The following SPATA24 variants were observed in gnomAD, a reference collection of about 807,000 sequenced individuals.
The protein encoded by SPATA24 is spermatogenesis-associated protein 24.
Under a neutral mutation model 28.9 loss-of-function variants are expected in SPATA24, and 21 were observed. The observed-to-expected ratio is 0.73, with a 90% CI of 0.52 to 1.05. SPATA24 has a LOEUF of 1.05. Among genes scored for constraint, SPATA24 ranks in the 50% least tolerant of loss-of-function variants. SPATA24 has a pLI of 0.00. For synonymous variants in SPATA24, 76 were observed against 89.9 expected, an observed-to-expected ratio of 0.85 and a Z score of 0.88; for missense variants, 215 against 242.9, an observed-to-expected ratio of 0.88 and a Z score of 0.76.
chr5:139,398,102 C>A (rs758555809), intron 4 of SPATA24, among the ~76,000 whole-genome samples: 8 of 152,216 alleles, frequency 5.3e-5, no homozygotes, highest in South Asian at 2.1e-4. Context: ...TCATCCCAGT[C>A]CAAACAAACT....
At position 139,404,068 on chromosome 5, in the gene SPATA24, C is replaced by G; in HGVS notation, c.-8G>C. The G allele has an allele frequency of 1.3e-6, 2 of 1,550,468 alleles. No individual in the cohort carries two copies. Among genetic ancestry groups the G allele is most frequent in the Non-Finnish European group, 1.7e-6 (2 of 1,146,192 alleles). On this transcript the variant is annotated 5_prime_UTR_variant, in exon 1 of 6. Coordinates refer to ENST00000450845, the MANE Select transcript of SPATA24 (RefSeq NM_194296.2). ...CCCGAGGGGCGTCGCCATCTTCCGC[C>G]CCCGCCAGCTAGTTGGAAATGGCTG...
downstream of SPATA24, chr5:139,394,303 C>T: frequency 6.6e-7 from 1 of 1,509,762 alleles, no homozygotes; most frequent in African/African-American, 1.4e-5. Context: ...GGCCTCGGGG[C>T]TCAGTTTTCT....
chr5:139,396,088 C>T (rs1185592949), downstream of SPATA24: 1 of 803,188 alleles, frequency 1.2e-6, no homozygotes. Flanking sequence ...CCCAGCTGGC[C>T]CTGGAGCAAG....
At chr5:139,392,505 C>T, downstream of SPATA24, 14 of 1,346,024 alleles carry the variant, frequency 1.0e-5, no homozygotes, top group Admixed American at 4.0e-5. This position sits in a 1 kb window ranked among gnomAD's most constrained non-coding sequence, Gnocchi z 5.8. Context: ...GGGACCGGTC[C>T]GTGGGAGGCG....
At chr5:139,396,670 C>T, downstream of SPATA24, 1 of 1,535,082 alleles carries the variant, frequency 6.5e-7, no homozygotes, top group Non-Finnish European at 8.8e-7. Flanking sequence ...GGCTACAAGC[C>T]CCCACCTTGT....
downstream of SPATA24, chr5:139,394,217 G>A (rs1758651066): frequency 1.9e-6 from 3 of 1,548,764 alleles, no homozygotes; most frequent in East Asian, 7.3e-5. Flanking sequence ...AGGACCACGT[G>A]GGTGCTGCGG....
intron 4 of SPATA24, 140 bp from the exon 5 acceptor site, chr5:139,397,283 A>G: frequency 1.6e-6 from 1 of 636,520 alleles, no homozygotes; most frequent in Non-Finnish European, 2.8e-6. Flanking sequence ...ATACCTTAGT[A>G]TGAATGAGTT....
intron 4 of SPATA24, among the ~76,000 whole-genome samples, chr5:139,400,302 CTTTT>C (rs55789939): frequency 8.0e-6 from 1 of 125,110 alleles, no homozygotes; most frequent in African/African-American, 2.9e-5. Flanking sequence ...TTCATACCTA[CTTTT>C]TTTTTTTTTT....
intron 4 of SPATA24, among the ~76,000 whole-genome samples, chr5:139,398,092 T>G (rs1758749526): frequency 6.6e-6 from 1 of 152,224 alleles, no homozygotes; most frequent in Non-Finnish European, 1.5e-5. Flanking sequence ...CCTAGTTCAG[T>G]CATCCCAGTC....
chr5:139,396,896 C>T lies in SPATA24; in HGVS notation c.522G>A (p.Gln174=), dbSNP rs1409718346. 1 of 1,551,582 alleles carries T rather than the reference C, an allele frequency of 6.4e-7. No individual in the cohort carries two copies. The highest frequency in any genetic ancestry group is 2.0e-5 in the Admixed American group (1 of 50,980). The change falls in exon 6 of 6, where the codon CAG becomes CAA. Residue 174 remains glutamine, a synonymous_variant. Transcript: ENST00000450845. The part of the protein sequence containing the change: ...NHMSDFRIQK[Q]QESYMAQVLD... ...GCACCTGGGCCATGTAGCTCTCCTG[C>T]TGCTTCTGGATCCGGAAGTCAGACA...
At chr5:139,398,037 C>T (rs913009450) in intron 4 of SPATA24, among the ~76,000 whole-genome samples, 9 of 152,196 alleles carry the variant, frequency 5.9e-5, no homozygotes, top group African/African-American at 1.9e-4. Context: ...ATTTGCAGAC[C>T]GAATGAACGG....
chr5:139,398,534 C>T (rs2067015099), intron 4 of SPATA24, among the ~76,000 whole-genome samples: 1 of 152,184 alleles, frequency 6.6e-6, no homozygotes, highest in Non-Finnish European at 1.5e-5. Flanking sequence ...GACTGTGCCC[C>T]TGCACTCCAG....
At chr5:139,393,710 G>T (rs1178893289), downstream of SPATA24, 26 of 1,551,304 alleles carry the variant, frequency 1.7e-5, no homozygotes, top group Non-Finnish European at 2.3e-5. Context: ...CACTGGGAAA[G>T]GATCGGAGGG....
chr5:139,392,914 C>A, downstream of SPATA24: 3 of 1,533,898 alleles, frequency 2.0e-6, no homozygotes, highest in Non-Finnish European at 2.6e-6. The surrounding 1 kb of genome is among the most constrained non-coding windows in gnomAD (Gnocchi z 5.8). Context: ...CTTCGCCGTG[C>A]TGTTCTCTGC....
In SPATA24 at chr5:139,402,683, T is replaced by C; in HGVS notation, c.128A>G (p.Gln43Arg). 6.4e-7 allele frequency: 1 copy of C among 1,551,842 alleles called. No individual in the cohort carries two copies. Among genetic ancestry groups the C allele is most frequent in the Non-Finnish European group, 8.7e-7 (1 of 1,146,960 alleles). The change falls in exon 2 of 6, where the codon CAG becomes CGG. Residue 43 changes from glutamine to arginine, a missense_variant. Physicochemically the swap from Gln to Arg is conservative, Grantham distance 43. Coordinates refer to ENST00000450845, the MANE Select transcript of SPATA24 (RefSeq NM_194296.2). ...IHQLRNVMVL[Q>R]DENFVSKEEF... ...TTCTTTACTGACAAAATTTTCGTCC[T>C]GGAGAACCATCTGCAACAGAGCCTG...
At chr5:139,402,512 G>C (rs1248993144) in intron 2 of SPATA24, 116 bp downstream of exon 2, 1 of 933,522 alleles carries the variant, frequency 1.1e-6, no homozygotes, top group Non-Finnish European at 1.6e-6. Context: ...CAAAGAGCTG[G>C]GACTACAGTT....
intron 4 of SPATA24, among the ~76,000 whole-genome samples, chr5:139,400,302 C>CA (rs780776848): frequency 8.0e-6 from 1 of 125,112 alleles, no homozygotes; most frequent in African/African-American, 2.9e-5. Flanking sequence ...TTCATACCTA[C>CA]TTTTTTTTTT....
chr5:139,400,140 A>C (rs1469979033), intron 4 of SPATA24, among the ~76,000 whole-genome samples: 1 of 152,046 alleles, frequency 6.6e-6, no homozygotes, highest in Admixed American at 6.5e-5. Context: ...GAGAGCACTC[A>C]CTAGGGGAGA....
chr5:139,394,636 G>A (rs1000686286), downstream of SPATA24: 5 of 1,534,228 alleles, frequency 3.3e-6, no homozygotes, highest in Admixed American at 3.9e-5. Context: ...GGCGGGAGAC[G>A]CTGGCCCCGG....
Sources: allele counts gnomAD v4.1 joint callset (sites outside exome capture counted in the v4.1 genomes callset), GRCh38; gene constraint gnomAD v4.1.1; non-coding constraint Gnocchi (gnomAD v3.1); transcripts MANE v1.5; gene names NCBI Gene and HGNC (gene_info 2026-07-23, HGNC 2026-07-21).